STPG2: variants seen among roughly 807,000 people sequenced by gnomAD.
STPG2 encodes sperm tail PG-rich repeat containing 2, also known as sperm-tail PG-rich repeat-containing protein 2.
In STPG2, 56 loss-of-function variants were observed where a neutral mutation model predicts 54.2. The observed-to-expected ratio is 1.03, with a 90% CI of 0.83 to 1.29. The LOEUF is 1.29. Among genes scored for constraint, STPG2 ranks in the 50% most tolerant of loss-of-function variants. The pLI is 0.00. For synonymous variants in STPG2, 200 were observed against 181.8 expected (o/e 1.10, Z -0.81); for missense variants, 596 against 544.9 (o/e 1.09, Z -0.93).
chr4:97,636,713 C>A (rs1483056113), intron 10 of STPG2, among the ~76,000 whole-genome samples: 3 of 152,156 alleles, frequency 2.0e-5, no homozygotes, highest in Non-Finnish European at 2.9e-5. Context: ...ACTACAAACA[C>A]CTCTACGAAA....
chr4:97,793,162 G>A (rs552241147), intron 9 of STPG2, among the ~76,000 whole-genome samples: 1 of 151,752 alleles, frequency 6.6e-6, no homozygotes, highest in East Asian at 1.9e-4. Context: ...AGTCACTTTC[G>A]CAGTAAGACT....
At chr4:97,751,825 T>C (rs1725590178) in intron 9 of STPG2, among the ~76,000 whole-genome samples, 1 of 151,776 alleles carries the variant, frequency 6.6e-6, no homozygotes, top group Non-Finnish European at 1.5e-5. Flanking sequence ...AGAGGACTTT[T>C]AATTCTCACC....
chr4:97,944,599 G>A (rs1459611463), intron 7 of STPG2, among the ~76,000 whole-genome samples: 3 of 151,936 alleles, frequency 2.0e-5, no homozygotes, highest in African/African-American at 7.2e-5. Context: ...TAATTAAATA[G>A]AATAAACAGC....
At position 97,518,868 on chromosome 4, in the gene STPG2, T is replaced by C. The variant is rs17026751; in HGVS notation, c.462+193831A>G. 7.9e-3 allele frequency among the ~76,000 whole-genome samples: 1,199 copies of C among 152,170 alleles called. 17 individuals carry two copies. The highest frequency in any genetic ancestry group is 0.026 in the African/African-American group (1,065 of 41,532). On this transcript the variant is annotated intron_variant, in intron 4 of 4. Coordinates refer to the STPG2 transcript ENST00000522676. ...CCCTACCAGCTCAGGCTCAACACCA[T>C]CCTTTTTTACTTCCAATCTGATGCT...
intron 4 of STPG2, among the ~76,000 whole-genome samples, chr4:97,445,789 A>T (rs1729206729): frequency 6.6e-6 from 1 of 152,182 alleles, no homozygotes; most frequent in Non-Finnish European, 1.5e-5. Flanking sequence ...TTTATATTTT[A>T]TTACTTTAGC....
At chr4:98,134,486 CAGATA>C (rs36227055) in intron 1 of STPG2, 27 bp from the exon 2 acceptor site, 86,138 of 1,403,970 alleles carry the variant, frequency 0.061, 3,125 homozygotes, top group Middle Eastern at 0.087. Flanking sequence ...ATATGACCAG[CAGATA>C]AGATAAGAGT....
chr4:97,807,096 T>C lies in STPG2; in HGVS notation c.1204+33677A>G, dbSNP rs549480762. On this transcript the variant is annotated intron_variant, in intron 9 of 10. Coordinates refer to ENST00000295268, the MANE Select transcript of STPG2 (RefSeq NM_174952.3). ...ATTTGTTTCCAATGTTTTTCTATAA[T>C]ATAAATGATATTGTACTTTATTTTC... is the stretch of plus-strand genomic sequence containing the variant. Among the ~76,000 whole-genome samples the C allele has an allele frequency of 3.3e-5, 5 of 151,856 alleles. No homozygotes were observed. The South Asian group carries it at 1.0e-3, about 32-fold the overall frequency.
chr4:97,926,872 C>T (rs1732349462), intron 8 of STPG2, among the ~76,000 whole-genome samples: 1 of 151,990 alleles, frequency 6.6e-6, no homozygotes, highest in Non-Finnish European at 1.5e-5. Flanking sequence ...ACCATTTTTA[C>T]AATTTTTATA....
intron 6 of STPG2, among the ~76,000 whole-genome samples, chr4:97,980,276 T>C (rs1439423412): frequency 6.6e-6 from 1 of 152,196 alleles, no homozygotes; most frequent in Non-Finnish European, 1.5e-5. Context: ...AGTAGGTGCA[T>C]GTAGGAACAA....
intron 8 of STPG2, among the ~76,000 whole-genome samples, chr4:97,848,903 C>T (rs889009326): frequency 6.7e-6 from 1 of 150,280 alleles, no homozygotes; most frequent in Non-Finnish European, 1.5e-5. Flanking sequence ...GTTACTGTAG[C>T]CTTGTAGTAT....
chr4:97,837,615 G>A (rs1284185727), intron 9 of STPG2, among the ~76,000 whole-genome samples: 1 of 151,502 alleles, frequency 6.6e-6, no homozygotes, highest in Non-Finnish European at 1.5e-5. Context: ...CAATTCTAAC[G>A]TGTTTTATTA....
rs1046242275 is a variant in STPG2 at position 97,631,043 on chromosome 4, T to A, written c.1321-71926A>T. Reference sequence around the variant, plus strand: ...ATTTTAAAAACTACTCTGAAAATGATAACAAGACACACACACACATTTATG... The same window carrying A: ...ATTTTAAAAACTACTCTGAAAATGAAAACAAGACACACACACACATTTATG... On this transcript the variant is annotated intron_variant, in intron 10 of 10. Coordinates refer to ENST00000295268, the MANE Select transcript of STPG2 (RefSeq NM_174952.3). Among the ~76,000 whole-genome samples, 10 of 152,028 alleles carry A rather than the reference T, an allele frequency of 6.6e-5. No homozygotes were observed. The East Asian group carries it at 1.9e-3, about 29-fold the overall frequency.
chr4:97,987,503 G>A (rs886457685), intron 5 of STPG2, among the ~76,000 whole-genome samples: 2 of 152,040 alleles, frequency 1.3e-5, no homozygotes, highest in African/African-American at 2.4e-5. Context: ...AATTAATTCA[G>A]TAAGTTCTGA....
At chr4:97,574,741 C>T (rs1732682136) in intron 10 of STPG2, among the ~76,000 whole-genome samples, 1 of 152,032 alleles carries the variant, frequency 6.6e-6, no homozygotes, top group South Asian at 2.1e-4. Context: ...AAAGACCTTT[C>T]TGCTTCTGTG....
At chr4:97,688,193 T>C (rs1283459321) in intron 10 of STPG2, among the ~76,000 whole-genome samples, 2 of 152,168 alleles carry the variant, frequency 1.3e-5, no homozygotes, top group Non-Finnish European at 1.5e-5. Flanking sequence ...TACCAAGTTA[T>C]TGAGTAGCTT....
chr4:97,898,129 C>T (rs1395886982), intron 8 of STPG2, among the ~76,000 whole-genome samples: 1 of 152,016 alleles, frequency 6.6e-6, no homozygotes, highest in East Asian at 1.9e-4. Context: ...TATGGCTAGC[C>T]AGTTATCTCA....
At chr4:98,137,518 T>C (rs1163987463) in intron 1 of STPG2, among the ~76,000 whole-genome samples, 1 of 151,878 alleles carries the variant, frequency 6.6e-6, no homozygotes, top group African/African-American at 2.4e-5. Flanking sequence ...TTATATTTTA[T>C]GTGATTTTCT....
intron 10 of STPG2, among the ~76,000 whole-genome samples, chr4:97,663,003 T>G (rs1239674517): frequency 6.6e-6 from 1 of 152,146 alleles, no homozygotes; most frequent in African/African-American, 2.4e-5. Context: ...AATTTATCTT[T>G]TATGATTTAC....
intron 8 of STPG2, among the ~76,000 whole-genome samples, chr4:97,906,313 C>T (rs772474528): frequency 5.3e-5 from 8 of 152,024 alleles, no homozygotes; most frequent in African/African-American, 1.9e-4. Flanking sequence ...AAGACTAAAC[C>T]AGGAAGAAGT....
Sources: allele counts gnomAD v4.1 joint callset (sites outside exome capture counted in the v4.1 genomes callset), GRCh38; gene constraint gnomAD v4.1.1; transcripts MANE v1.5; gene names NCBI Gene and HGNC (gene_info 2026-07-23, HGNC 2026-07-21).